The following PAK5 variants were observed in gnomAD, a reference collection of about 807,000 sequenced individuals.
PAK5 encodes the protein serine/threonine-protein kinase PAK 5.
Under a neutral mutation model 65.9 loss-of-function variants are expected in PAK5, and 16 were observed. That is an observed-to-expected ratio of 0.24 (90% CI 0.16 to 0.37). The LOEUF is 0.37. PAK5 is among the 10% of genes least tolerant of loss of function. The probability of loss-of-function intolerance (pLI) is 1.00; values close to 1 mark genes in which losing one functional copy is unlikely to be tolerated. For synonymous variants in PAK5, 371 were observed against 354.9 expected (o/e 1.05, Z -0.51); for missense variants, 785 against 903.9 (o/e 0.87, Z 1.69).
intron 9 of PAK5, among the ~76,000 whole-genome samples, chr20:9,541,333 C>G (rs1041135145): frequency 1.3e-4 from 20 of 152,066 alleles, no homozygotes; most frequent in African/African-American, 4.6e-4. Flanking sequence ...TCTGGCAGCT[C>G]CTACAGTGGT....
chr20:9,680,675 G>A (rs1243047635), intron 2 of PAK5, among the ~76,000 whole-genome samples: 1 of 152,194 alleles, frequency 6.6e-6, no homozygotes, highest in Non-Finnish European at 1.5e-5. Flanking sequence ...CCTCCGGAGA[G>A]AATCCCCAGT....
intron 2 of PAK5, among the ~76,000 whole-genome samples, chr20:9,663,656 T>A (rs2123340649): frequency 6.6e-6 from 1 of 152,278 alleles, no homozygotes; most frequent in Middle Eastern, 3.4e-3. Context: ...TTTGGAAATG[T>A]AAGGCAGGAC....
chr20:9,810,645 AAAT>A (rs1416148108), intron 1 of PAK5, among the ~76,000 whole-genome samples: 3 of 152,224 alleles, frequency 2.0e-5, no homozygotes, highest in African/African-American at 7.2e-5. Context: ...TGCCAAATTT[AAAT>A]AATACTTTGA....
At chr20:9,661,823 C>T (rs527280943) in intron 2 of PAK5, among the ~76,000 whole-genome samples, 18 of 152,236 alleles carry the variant, frequency 1.2e-4, no homozygotes, top group African/African-American at 3.1e-4. Context: ...ATCTTCCTCA[C>T]GTCAGTGATT....
chr20:9,724,178 A>T (rs1224518737), intron 1 of PAK5, among the ~76,000 whole-genome samples: 1 of 152,208 alleles, frequency 6.6e-6, no homozygotes, highest in African/African-American at 2.4e-5. Flanking sequence ...AGCTTGGCTG[A>T]TCCAAAAAAA....
intron 3 of PAK5, among the ~76,000 whole-genome samples, chr20:9,601,043 A>T (rs1600120402): frequency 2.6e-5 from 4 of 152,262 alleles, no homozygotes; most frequent in South Asian, 2.1e-4. Context: ...TAGCAGGTTG[A>T]CCAGTATCAG....
intron 7 of PAK5, among the ~76,000 whole-genome samples, chr20:9,549,588 C>G (rs1015047570): frequency 7.9e-5 from 12 of 152,244 alleles, no homozygotes; most frequent in Middle Eastern, 3.4e-3. Context: ...GAACACCAGC[C>G]TTGGCCATAC....
intron 4 of PAK5, among the ~76,000 whole-genome samples, chr20:9,571,885 G>GA (rs397716881): frequency 8.3e-6 from 1 of 120,816 alleles, no homozygotes. Flanking sequence ...GGGGGGGGGG[G>GA]ATGTGGTCTT....
In PAK5 at chr20:9,720,946, G is replaced by A. The variant is rs575673511; in HGVS notation, c.-161-9511C>T. Among the ~76,000 whole-genome samples the A allele has an allele frequency of 1.0e-3, 153 of 152,128 alleles. 1 individual carries two copies. Among genetic ancestry groups the A allele is most frequent in the African/African-American group, 3.5e-3 (146 of 41,508 alleles). On this transcript the variant is annotated intron_variant, in intron 1 of 9. Coordinates refer to ENST00000353224, the MANE Select transcript of PAK5 (RefSeq NM_177990.4). ...AGATTTGTGGTTACCAGAGACTTGGGAACAGGAAAATGAGGAGTAACTGCT... is the reference window on the plus strand; with the variant it reads ...AGATTTGTGGTTACCAGAGACTTGGAAACAGGAAAATGAGGAGTAACTGCT...
At chr20:9,575,865 C>T (rs2122990351) in intron 4 of PAK5, 1 of 152,266 alleles carries the variant, frequency 6.6e-6, no homozygotes, top group Non-Finnish European at 1.5e-5. Context: ...GTCAGTGGGA[C>T]CTAGTTTGGA....
At chr20:9,617,238 C>G (rs2046674047) in intron 3 of PAK5, among the ~76,000 whole-genome samples, 1 of 152,296 alleles carries the variant, frequency 6.6e-6, no homozygotes, top group Non-Finnish European at 1.5e-5. Context: ...TTCAGGGACA[C>G]TAGGTGGCGC....
Position 9,732,001 on chromosome 20 carries a change from A to G in PAK5, c.-161-20566T>C, listed in dbSNP as rs541291490. Among the ~76,000 whole-genome samples, 7 of 152,304 alleles carry G rather than the reference A, an allele frequency of 4.6e-5. No individual in the cohort carries two copies. The South Asian group carries it at 1.5e-3, about 32-fold the overall frequency. ...TGAAAGTATTAGTCTTTAAAACAGA[A>G]TTCATTTACATGGAAAATTGACATG... On this transcript the variant is annotated intron_variant, in intron 1 of 9. Coordinates refer to ENST00000353224, the MANE Select transcript of PAK5 (RefSeq NM_177990.4).
chr20:9,770,698 C>A (rs1246121342), intron 1 of PAK5, among the ~76,000 whole-genome samples: 1 of 152,030 alleles, frequency 6.6e-6, no homozygotes, highest in African/African-American at 2.4e-5. Flanking sequence ...TGAGCTGAAA[C>A]AGTAGAAAAT....
intron 1 of PAK5, among the ~76,000 whole-genome samples, chr20:9,761,178 T>C (rs944795180): frequency 1.5e-4 from 23 of 152,168 alleles, no homozygotes; most frequent in African/African-American, 5.6e-4. Context: ...CCCACTGTTT[T>C]TCAAAGAAAA....
intron 1 of PAK5, among the ~76,000 whole-genome samples, chr20:9,824,474 A>C (rs2049461591): frequency 6.6e-6 from 1 of 152,324 alleles, no homozygotes; most frequent in African/African-American, 2.4e-5. Flanking sequence ...GCAGCATTAG[A>C]ATGAGGTTAG....
At chr20:9,555,901 C>A (rs564933010) in intron 7 of PAK5, among the ~76,000 whole-genome samples, 15 of 152,166 alleles carry the variant, frequency 9.9e-5, no homozygotes, top group Admixed American at 6.5e-5. Flanking sequence ...GGCCCTGTTA[C>A]CTGCACTGTC....
chr20:9,735,761 G>T (rs2123567492), intron 1 of PAK5, among the ~76,000 whole-genome samples: 1 of 151,982 alleles, frequency 6.6e-6, no homozygotes, highest in East Asian at 2.0e-4. Flanking sequence ...AGTGGATCAT[G>T]CCTGTAATCC....
chr20:9,820,789 G>A (rs2049411003), intron 1 of PAK5, among the ~76,000 whole-genome samples: 2 of 152,132 alleles, frequency 1.3e-5, no homozygotes, highest in African/African-American at 2.4e-5. Context: ...TGTGTAACAC[G>A]GAAGCCCTGA....
chr20:9,827,035 C>G (rs965347444), intron 1 of PAK5, among the ~76,000 whole-genome samples: 25 of 110,504 alleles, frequency 2.3e-4, no homozygotes, highest in African/African-American at 9.6e-4. Flanking sequence ...TACCCATGTC[C>G]AATATTGGAA....
Sources: allele counts gnomAD v4.1 joint callset (sites outside exome capture counted in the v4.1 genomes callset), GRCh38; gene constraint gnomAD v4.1.1; transcripts MANE v1.5; gene names NCBI Gene and HGNC (gene_info 2026-07-23, HGNC 2026-07-21).